The following PDIA6 variants were observed in gnomAD, a reference collection of about 807,000 sequenced individuals.
PDIA6 encodes the protein protein disulfide-isomerase A6.
A neutral mutation model predicts 58.4 loss-of-function variants in PDIA6; 29 were observed. The ratio of observed to expected loss-of-function variants is 0.50; its 90% confidence interval spans 0.37 to 0.68. The LOEUF (loss-of-function observed/expected upper bound fraction) is 0.68. PDIA6 is among the 30% of genes least tolerant of loss of function. The pLI, the probability that PDIA6 is intolerant of heterozygous loss-of-function variation, is 0.00. For synonymous variants in PDIA6, 192 were observed against 202.6 expected, an observed-to-expected ratio of 0.95 and a Z score of 0.44; for missense variants, 480 against 551.0, an observed-to-expected ratio of 0.87 and a Z score of 1.29.
upstream of PDIA6, chr2:10,832,513 G>GCAGAGCGCCCCCTTGC: frequency 8.2e-6 from 7 of 851,154 alleles, no homozygotes; most frequent in Non-Finnish European, 9.9e-6. Flanking sequence ...GACCGCAAGG[G>GCAGAGCGCCCCCTTGC]GGCGCTCTGC....
chr2:10,801,785 G>A (rs1017069949), intron 2 of PDIA6, among the ~76,000 whole-genome samples: 2 of 152,184 alleles, frequency 1.3e-5, no homozygotes, highest in Non-Finnish European at 2.9e-5. Flanking sequence ...AGTTTCATCA[G>A]GCATACCCTA....
rs142782761 is a variant in PDIA6, at chr2:10,806,628, C to CAAAGAAAGAA, written c.20-3989_20-3988insTTCTTTCTTT. On this transcript the variant is annotated intron_variant, in intron 1 of 12. Coordinates refer to ENST00000272227, the MANE Select transcript of PDIA6 (RefSeq NM_005742.4). ...AACCACATCTCCTAAAAAATAAAGA[C>CAAAGAAAGAA]AGAAAGAAAGAAAGAAAGAAAAACG... Among the ~76,000 whole-genome samples, 51 of 70,310 alleles carry CAAAGAAAGAA rather than the reference C, an allele frequency of 7.3e-4. 4 individuals are homozygous for CAAAGAAAGAA. The highest frequency in any genetic ancestry group is 1.8e-3 in the East Asian group (4 of 2,208). 46.1% of individuals were successfully genotyped at this position (70,310 alleles called of 152,430 possible).
rs544109162 is a variant in PDIA6 at position 10,805,852 on chromosome 2, T to C, written c.20-3212A>G. 1.5e-4 allele frequency among the ~76,000 whole-genome samples: 13 copies of C among 86,008 alleles called. No individual in the cohort carries two copies. In the South Asian group the frequency reaches 1.6e-3, roughly 10 times the overall value. The allele number at this position is 86,008 out of a possible 152,430, so 56.4% of individuals were successfully genotyped here. On this transcript the variant is annotated intron_variant, in intron 1 of 12. Coordinates refer to ENST00000272227, the MANE Select transcript of PDIA6 (RefSeq NM_005742.4). ...GCATATTCTCACTCATAGGTGGGAA[T>C]TGAACAATGAGATCACATGGACACA...
chr2:10,835,912 G>A (rs1686481), upstream of PDIA6, among the ~76,000 whole-genome samples: 3 of 152,110 alleles, frequency 2.0e-5, no homozygotes, highest in Non-Finnish European at 2.9e-5. Flanking sequence ...TTAGCTGGGC[G>A]TGGTGGCGGG....
chr2:10,791,400 C>T (rs1666030097), intron 6 of PDIA6, among the ~76,000 whole-genome samples: 1 of 152,214 alleles, frequency 6.6e-6, no homozygotes, highest in South Asian at 2.1e-4. Flanking sequence ...CCTGCCTCGG[C>T]CTCCCAAAGA....
exon 2 of PDIA6, chr2:10,819,308 T>C: frequency 6.5e-7 from 1 of 1,539,070 alleles, no homozygotes; most frequent in Non-Finnish European, 8.8e-7. Flanking sequence ...ATGGATACAT[T>C]ATGGGACTTT....
intron 4 of PDIA6, among the ~76,000 whole-genome samples, chr2:10,793,603 A>C (rs187082516): frequency 3.6e-4 from 55 of 152,166 alleles, no homozygotes; most frequent in African/African-American, 1.3e-3. Context: ...ACCTCAAGTG[A>C]TCCGCCCACC....
intron 1 of PDIA6, among the ~76,000 whole-genome samples, chr2:10,828,560 A>G (rs1291559806): frequency 1.3e-5 from 2 of 152,146 alleles, no homozygotes; most frequent in Admixed American, 6.5e-5. Flanking sequence ...TCTTCCGCCC[A>G]TGCAGATGGC....
intron 1 of PDIA6, among the ~76,000 whole-genome samples, chr2:10,828,425 G>A (rs1030236254): frequency 6.6e-6 from 1 of 152,192 alleles, no homozygotes; most frequent in African/African-American, 2.4e-5. Context: ...GAGGCCATGG[G>A]CACAGCCTGG....
At chr2:10,819,410 G>A (rs1572700419) in intron 1 of PDIA6, 7 of 1,031,276 alleles carry the variant, frequency 6.8e-6, no homozygotes, top group Admixed American at 4.2e-5. Context: ...AACTATTACC[G>A]AATGTTCACC....
intron 2 of PDIA6, among the ~76,000 whole-genome samples, chr2:10,818,539 G>C (rs1323904940): frequency 7.3e-6 from 1 of 136,836 alleles, no homozygotes; most frequent in Non-Finnish European, 1.6e-5. Flanking sequence ...TATTTATTTT[G>C]AGATGGAGTT....
chr2:10,807,133 A>G (rs1307473293), intron 1 of PDIA6, among the ~76,000 whole-genome samples: 1 of 152,254 alleles, frequency 6.6e-6, no homozygotes, highest in African/African-American at 2.4e-5. Context: ...TAAATAATGG[A>G]ATATCCTCAG....
intron 1 of PDIA6, among the ~76,000 whole-genome samples, chr2:10,812,400 C>T (rs1667037926): frequency 6.7e-6 from 1 of 148,922 alleles, no homozygotes; most frequent in African/African-American, 2.4e-5. Context: ...CGCGGCTCTC[C>T]CGCCCGGCCC....
intron 1 of PDIA6, among the ~76,000 whole-genome samples, chr2:10,828,235 T>A (rs1278603089): frequency 6.6e-6 from 1 of 152,212 alleles, no homozygotes; most frequent in East Asian, 1.9e-4. Context: ...TTCACTGTCC[T>A]AAAAATCCTC....
intron 1 of PDIA6, among the ~76,000 whole-genome samples, chr2:10,831,093 C>G (rs1242273296): frequency 2.0e-5 from 3 of 152,218 alleles, no homozygotes; most frequent in Non-Finnish European, 2.9e-5. Context: ...GACCCCCCTT[C>G]TCTCTTTCCG....
chr2:10,787,989 C>T (rs1434819149), intron 10 of PDIA6, among the ~76,000 whole-genome samples: 2 of 148,758 alleles, frequency 1.3e-5, no homozygotes, highest in African/African-American at 4.9e-5. Context: ...TCTTTTGAAC[C>T]CGGGAGGCGG....
chr2:10,784,167 G>T lies in PDIA6; in HGVS notation c.*91C>A. On this transcript the variant is annotated 3_prime_UTR_variant, in exon 13 of 13. Transcript: ENST00000272227. ...TCTTGGTTAAAAGGCCACTGGTAGA[G>T]TCATCTGAGTGTAGAGAATGTCCCT... 1 of 906,550 alleles carries T rather than the reference G, an allele frequency of 1.1e-6. No homozygotes were observed. The allele number at this position is 906,550 out of a possible 1,614,324, so 56.2% of individuals were successfully genotyped here.
chr2:10,830,474 G>A (rs1476610667), intron 1 of PDIA6, among the ~76,000 whole-genome samples: 1 of 152,192 alleles, frequency 6.6e-6, no homozygotes, highest in Non-Finnish European at 1.5e-5. Flanking sequence ...CGTCTGCAGG[G>A]ACATGGGGTG....
At chr2:10,791,666 T>A in intron 6 of PDIA6, 129 bp downstream of exon 6, 1 of 808,628 alleles carries the variant, frequency 1.2e-6, no homozygotes, top group Non-Finnish European at 1.9e-6. Context: ...TAATATTCAC[T>A]TAGAGTCAGA....
Sources: gnomAD v4.1 joint callset for allele counts (sites outside exome capture counted in the v4.1 genomes callset) on GRCh38, gnomAD v4.1.1 for gene constraint, MANE v1.5 for transcripts, NCBI Gene and HGNC (gene_info 2026-07-23, HGNC 2026-07-21) for gene names.